The following ROCK1 variants were observed in gnomAD, a reference collection of about 807,000 sequenced individuals.
ROCK1 encodes the protein Rho associated coiled-coil containing protein kinase 1.
In ROCK1, 36 loss-of-function variants were observed where a neutral mutation model predicts 196.8. That is an observed-to-expected ratio of 0.18 (90% confidence interval 0.14 to 0.24). The LOEUF (loss-of-function observed/expected upper bound fraction) is 0.24. Among genes scored for constraint, ROCK1 ranks in the 10% least tolerant of loss-of-function variants. The pLI is 1.00. For synonymous variants in ROCK1, 443 were observed against 515.9 expected (o/e 0.86, Z 1.91); for missense variants, 920 against 1,562.0 (o/e 0.59, Z 6.93).
rs1439480028 is a variant in ROCK1 at position 21,091,727 on chromosome 18, T to G, written c.93+19091A>C. On this transcript the variant is annotated intron_variant, in intron 1 of 32. Coordinates refer to ENST00000399799, the MANE Select transcript of ROCK1 (RefSeq NM_005406.3). ...GGCTCACACCTGTAATCCCAGTACT[T>G]TGGGAGGCCGAGGCGAGTGGATCAC... 2.0e-5 allele frequency among the ~76,000 whole-genome samples: 3 copies of G among 152,096 alleles called. No individual in the cohort carries two copies. In the East Asian group the frequency reaches 5.8e-4, roughly 29 times the overall value.
At chr18:20,994,977 G>A (rs1432271036) in intron 16 of ROCK1, among the ~76,000 whole-genome samples, 4 of 151,932 alleles carry the variant, frequency 2.6e-5, no homozygotes, top group Admixed American at 6.6e-5. Flanking sequence ...AGACTTTTTC[G>A]ATAGGCCACA....
At chr18:20,981,630 G>A (rs2035534317) in intron 21 of ROCK1, among the ~76,000 whole-genome samples, 1 of 152,064 alleles carries the variant, frequency 6.6e-6, no homozygotes, top group African/African-American at 2.4e-5. Context: ...AAAAGAAAAA[G>A]AGAAGGGAAA....
chr18:21,003,270 A>G (rs1052280793), intron 16 of ROCK1, among the ~76,000 whole-genome samples: 3 of 152,178 alleles, frequency 2.0e-5, no homozygotes, highest in Non-Finnish European at 4.4e-5. Flanking sequence ...CAACAGCAAA[A>G]AGAGATTACA....
At chr18:21,042,895 C>T (rs1286549864) in intron 6 of ROCK1, among the ~76,000 whole-genome samples, 186 bp from the exon 7 acceptor site, 1 of 152,054 alleles carries the variant, frequency 6.6e-6, no homozygotes, top group Admixed American at 6.6e-5. Context: ...ACTATATACA[C>T]ACCATATACA....
At chr18:21,091,696 C>A (rs1299669474) in intron 1 of ROCK1, among the ~76,000 whole-genome samples, 2 of 151,852 alleles carry the variant, frequency 1.3e-5, no homozygotes, top group African/African-American at 4.8e-5. Context: ...TGGGGCTGGG[C>A]AGAGTGGCTC....
intron 20 of ROCK1, among the ~76,000 whole-genome samples, chr18:20,983,726 A>G (rs537197877): frequency 6.6e-5 from 10 of 152,316 alleles, no homozygotes; most frequent in Non-Finnish European, 1.3e-4. Flanking sequence ...AAAGAATTTC[A>G]CCAATATAAA....
chr18:21,081,442 T>C (rs2036482019), intron 1 of ROCK1, among the ~76,000 whole-genome samples: 1 of 151,924 alleles, frequency 6.6e-6, no homozygotes, highest in South Asian at 2.1e-4. Context: ...AAAAATAACC[T>C]AACTTAATAC....
intron 18 of ROCK1, among the ~76,000 whole-genome samples, chr18:20,990,939 T>C (rs150870519): frequency 0.033 from 4,959 of 151,882 alleles, 141 homozygotes; most frequent in Middle Eastern, 0.048. Flanking sequence ...TTTTTATTTT[T>C]AGTAGAGACG....
Position 21,111,394 on chromosome 18 carries a change from G to T in ROCK1, c.-484C>A. 2.5e-6 allele frequency: 1 copy of T among 402,570 alleles called. No individual in the cohort carries two copies. Among genetic ancestry groups the T allele is most frequent in the East Asian group, 3.8e-5 (1 of 26,094 alleles). 24.9% of individuals were successfully genotyped at this position (402,570 alleles called of 1,614,324 possible). ...CAGCTGCGGCCGCCGCTCGGGCCAC[G>T]GGCCGGGCCCGCTCCGCTCAGAGGC... On this transcript the variant is annotated 5_prime_UTR_variant, in exon 1 of 33. Coordinates refer to ENST00000399799, the MANE Select transcript of ROCK1 (RefSeq NM_005406.3). This position sits in a 1 kb window ranked among gnomAD's most constrained non-coding sequence, Gnocchi z 4.2.
chr18:21,013,935 G>A (rs1055233009), intron 13 of ROCK1, among the ~76,000 whole-genome samples: 6 of 151,898 alleles, frequency 4.0e-5, no homozygotes, highest in African/African-American at 1.2e-4. Context: ...GCATGGTGGC[G>A]GGCGCCTGTG....
At chr18:21,093,866 G>A (rs2036590895) in intron 1 of ROCK1, among the ~76,000 whole-genome samples, 1 of 151,910 alleles carries the variant, frequency 6.6e-6, no homozygotes, top group Admixed American at 6.6e-5. Context: ...TGAGGCAGGA[G>A]GATCGCTTGA....
chr18:21,042,769 G>T, intron 6 of ROCK1, 60 bp from the exon 7 acceptor site: 5 of 1,488,368 alleles, frequency 3.4e-6, no homozygotes, highest in South Asian at 2.6e-5. Flanking sequence ...TATTTAAAAT[G>T]ACTTTCTTAT....
chr18:20,995,631 G>C lies in ROCK1; in HGVS notation c.1886-2694C>G, dbSNP rs551795841. Among the ~76,000 whole-genome samples the C allele has an allele frequency of 4.6e-5, 7 of 152,278 alleles. No individual in the cohort carries two copies. The East Asian group carries it at 9.7e-4, about 21-fold the overall frequency. ...CTGTGCTGGCTTCAGGTCTGACCCA[G>C]CACAGTTCCAGTGGTGGTGGCTACA... On this transcript the variant is annotated intron_variant, in intron 16 of 32. Transcript: ENST00000399799.
chr18:21,034,033 CA>C (rs777661024), intron 9 of ROCK1, among the ~76,000 whole-genome samples: 804 of 43,520 alleles, frequency 0.018, 5 homozygotes, highest in African/African-American at 0.055. Context: ...GACTCCATCT[CA>C]AAAAAAAAAA....
chr18:21,085,760 T>C (rs1192303622), intron 1 of ROCK1, among the ~76,000 whole-genome samples: 1 of 152,236 alleles, frequency 6.6e-6, no homozygotes, highest in Admixed American at 6.5e-5. Flanking sequence ...AGCAAGTTAT[T>C]TAACCCATCA....
chr18:21,029,769 T>G (rs1387162868), intron 9 of ROCK1, among the ~76,000 whole-genome samples: 1 of 152,124 alleles, frequency 6.6e-6, no homozygotes, highest in African/African-American at 2.4e-5. Context: ...TTTTGGGGCT[T>G]GAATGTTACA....
At chr18:20,977,467 G>A (rs768901269) in intron 22 of ROCK1, among the ~76,000 whole-genome samples, 9 of 151,648 alleles carry the variant, frequency 5.9e-5, no homozygotes, top group Non-Finnish European at 1.3e-4. Flanking sequence ...TCCATCGGTT[G>A]TGATCTCTGT....
At chr18:21,067,091 T>A (rs1352480482) in intron 2 of ROCK1, among the ~76,000 whole-genome samples, 5 of 152,214 alleles carry the variant, frequency 3.3e-5, no homozygotes, top group African/African-American at 1.2e-4. Flanking sequence ...CTTGATATTG[T>A]CAGTTTAGAA....
chr18:21,076,704 C>CAG lies in ROCK1; in HGVS notation c.94-6093_94-6092dup, dbSNP rs1343305577. 5.4e-3 allele frequency among the ~76,000 whole-genome samples: 816 copies of CAG among 150,158 alleles called. 10 individuals carry two copies. The highest frequency in any genetic ancestry group is 0.021 in the East Asian group (105 of 5,056). ...ACACACACACACACACACACACACACAGAGCCATAATTTATTTTAAGTCAC... is the reference window on the plus strand; with the variant it reads ...ACACACACACACACACACACACACACAGAGAGCCATAATTTATTTTAAGTCAC... On this transcript the variant is annotated intron_variant, in intron 1 of 32. Coordinates refer to ENST00000399799, the MANE Select transcript of ROCK1 (RefSeq NM_005406.3).
Sources: gnomAD v4.1 joint callset for allele counts (sites outside exome capture counted in the v4.1 genomes callset) on GRCh38, gnomAD v4.1.1 for gene constraint, Gnocchi (gnomAD v3.1) non-coding constraint, MANE v1.5 for transcripts, NCBI Gene and HGNC (gene_info 2026-07-23, HGNC 2026-07-21) for gene names.